Variants in RAB11FIP3 observed in about 807,000 individuals in gnomAD.
RAB11FIP3 encodes the protein rab11 family-interacting protein 3.
RAB11FIP3 carries 17 observed loss-of-function variants against 77.8 expected under a neutral mutation model. The ratio of observed to expected loss-of-function variants is 0.22; its 90% CI spans 0.15 to 0.33. The LOEUF (loss-of-function observed/expected upper bound fraction) is 0.33, where lower values mean the gene tolerates loss of function less well. Ranked by LOEUF, RAB11FIP3 falls within the 10% of genes least tolerant of loss-of-function variation. The pLI is 1.00. For synonymous variants in RAB11FIP3, 437 were observed against 448.2 expected (o/e 0.98, Z 0.31); for missense variants, 1,005 against 1,011.2 (o/e 0.99, Z 0.08).
chr16:483,264 G>C (rs6600221), intron 4 of RAB11FIP3, among the ~76,000 whole-genome samples: 4 of 152,136 alleles, frequency 2.6e-5, no homozygotes, highest in Admixed American at 2.0e-4. Flanking sequence ...CGCTCAGCAC[G>C]CTGAAGTGTA....
At chr16:503,345 T>C (rs1233764388) in intron 7 of RAB11FIP3, among the ~76,000 whole-genome samples, 1 of 152,194 alleles carries the variant, frequency 6.6e-6, no homozygotes, top group Non-Finnish European at 1.5e-5. Flanking sequence ...AGGAGTGGAC[T>C]GGGCAGTGAG....
intron 7 of RAB11FIP3, 23 bp downstream of exon 7, chr16:503,120 G>C (rs2031622231): frequency 6.4e-7 from 1 of 1,574,068 alleles, no homozygotes; most frequent in Admixed American, 1.7e-5. Flanking sequence ...GGGCTGGGTA[G>C]GTGGCAAGTA....
Position 497,350 on chromosome 16 carries a change from C to T in RAB11FIP3, c.1301+491C>T, listed in dbSNP as rs1352003973. Reference sequence around the variant, plus strand: ...AGATGGCAACATACACTTTTATCTTCCTCCCCTGCCAGTTCTTACCGAAAT... The same window carrying T: ...AGATGGCAACATACACTTTTATCTTTCTCCCCTGCCAGTTCTTACCGAAAT... On this transcript the variant is annotated intron_variant, in intron 6 of 13. Transcript: ENST00000262305. 3.1e-6 allele frequency: 4 copies of T among 1,303,508 alleles called. No individual in the cohort carries two copies. In the African/African-American group the frequency reaches 4.6e-5, roughly 15 times the overall value. The allele number at this position is 1,303,508 out of a possible 1,614,324, so 80.7% of individuals were successfully genotyped here. A position where few individuals can be genotyped will look rare whatever the true frequency, so the allele number is the denominator to read the frequency against.
chr16:477,509 CCT>C (rs2055941538), intron 3 of RAB11FIP3: 2 of 450,966 alleles, frequency 4.4e-6, no homozygotes, highest in African/African-American at 4.3e-5. Context: ...ACAGGCCCAG[CCT>C]CTGACAGACA....
At chr16:451,211 G>A (rs993058973) in intron 1 of RAB11FIP3, among the ~76,000 whole-genome samples, 4 of 152,020 alleles carry the variant, frequency 2.6e-5, no homozygotes, top group African/African-American at 9.7e-5. Flanking sequence ...CAATGAAGCT[G>A]TTAACAGAAA....
chr16:449,147 C>T (rs530691751), intron 1 of RAB11FIP3, among the ~76,000 whole-genome samples: 1 of 152,048 alleles, frequency 6.6e-6, no homozygotes, highest in Non-Finnish European at 1.5e-5. Flanking sequence ...CTGCCGGCCC[C>T]CTGCTCACTC....
At chr16:447,056 A>G (rs556013807) in intron 1 of RAB11FIP3, among the ~76,000 whole-genome samples, 5 of 151,694 alleles carry the variant, frequency 3.3e-5, no homozygotes, top group East Asian at 2.0e-4. Flanking sequence ...TATAGTCCCA[A>G]CACTTTGAGA....
intron 7 of RAB11FIP3, among the ~76,000 whole-genome samples, chr16:504,047 C>T (rs1222403546): frequency 1.3e-5 from 1 of 74,242 alleles, no homozygotes; most frequent in African/African-American, 5.5e-5. Context: ...ACCTCCTGTA[C>T]CCCCTCACCT....
intron 1 of RAB11FIP3, among the ~76,000 whole-genome samples, chr16:432,043 T>C (rs1373884609): frequency 1.3e-5 from 2 of 152,106 alleles, no homozygotes; most frequent in Non-Finnish European, 2.9e-5. Flanking sequence ...AGGCATGAGC[T>C]ATGGCGCCCA....
rs964637530 is a variant in RAB11FIP3 at position 497,445 on chromosome 16, CAG to C, written c.1301+589_1301+590del. The C allele has an allele frequency of 6.5e-6, 8 of 1,230,298 alleles. No individual in the cohort carries two copies. The African/African-American group carries it at 7.9e-5, about 12-fold the overall frequency. The allele number at this position is 1,230,298 out of a possible 1,614,324, so 76.2% of individuals were successfully genotyped here. A position where few individuals can be genotyped will look rare whatever the true frequency, so the allele number is the denominator to read the frequency against. ...GCTGCCGGGTGGCCTCTGCTGCCGTCAGAGTCTGCCTTTGTGTCTTTATCTGC... is the reference window on the plus strand; with the variant it reads ...GCTGCCGGGTGGCCTCTGCTGCCGTCAGTCTGCCTTTGTGTCTTTATCTGC... On this transcript the variant is annotated intron_variant, in intron 6 of 13. Transcript: ENST00000262305.
chr16:510,708 C>G lies in RAB11FIP3; in HGVS notation c.1548C>G (p.Cys516Trp). The G allele has an allele frequency of 6.2e-7, 1 of 1,612,624 alleles. No homozygotes were observed. Among genetic ancestry groups the G allele is most frequent in the South Asian group, 1.1e-5 (1 of 90,998 alleles). Residue 516 changes from cysteine to tryptophan, a missense_variant, in exon 9 of 14, where the codon TGC (cysteine) becomes TGG (tryptophan). Coordinates refer to ENST00000262305, the MANE Select transcript of RAB11FIP3 (RefSeq NM_014700.4). ...TGAAGGAGCAGGAGCTGAGAGCCTG[C>G]GAGATGGTCCTGGAAGAGACCCGGC... The part of the protein sequence containing the change: ...EQLKEQELRA[C>W]EMVLEETRRQ...
At chr16:469,364 A>G (rs531291013) in intron 2 of RAB11FIP3, among the ~76,000 whole-genome samples, 4 of 152,182 alleles carry the variant, frequency 2.6e-5, no homozygotes, top group African/African-American at 9.6e-5. Context: ...GTGAGCCACC[A>G]TGCCCGGCCT....
At position 514,552 on chromosome 16, in the gene RAB11FIP3, G is replaced by A. The variant is rs2032320551; in HGVS notation, c.1640+3752G>A. ...AAGGGCATAGAGAAGATGGAGGAGT[G>A]GAGAGGCTGGAGCTTTGGACATCCT... is the stretch of plus-strand genomic sequence containing the variant. On this transcript the variant is annotated intron_variant, in intron 9 of 13. Coordinates refer to ENST00000262305, the MANE Select transcript of RAB11FIP3 (RefSeq NM_014700.4). This position sits in a 1 kb window ranked among gnomAD's most constrained non-coding sequence, Gnocchi z 4.6. Among the ~76,000 whole-genome samples, 1 of 152,202 alleles carries A rather than the reference G, an allele frequency of 6.6e-6. No individual in the cohort carries two copies. Among genetic ancestry groups the A allele is most frequent in the Non-Finnish European group, 1.5e-5 (1 of 68,026 alleles).
chr16:492,452 C>G (rs1470418497), intron 5 of RAB11FIP3, among the ~76,000 whole-genome samples: 6 of 129,436 alleles, frequency 4.6e-5, no homozygotes, highest in African/African-American at 1.6e-4. Flanking sequence ...CCGCCCAGGG[C>G]CCTTCCCGGG....
intron 6 of RAB11FIP3, among the ~76,000 whole-genome samples, chr16:498,036 C>T (rs1232699600): frequency 6.6e-6 from 1 of 151,478 alleles, no homozygotes; most frequent in Non-Finnish European, 1.5e-5. Context: ...CAGTGAGTGG[C>T]AATTCATAGG....
intron 6 of RAB11FIP3, among the ~76,000 whole-genome samples, chr16:497,704 T>G (rs1366919947): frequency 6.6e-6 from 1 of 152,168 alleles, no homozygotes; most frequent in Non-Finnish European, 1.5e-5. Context: ...CCTTCTCATT[T>G]GTTTTCTCTG....
At chr16:510,402 G>A (rs1567406018) in intron 8 of RAB11FIP3, 3 of 457,948 alleles carry the variant, frequency 6.6e-6, no homozygotes, top group African/African-American at 3.9e-5. Context: ...GGCAGTGCCT[G>A]TGGGTATCAG....
chr16:438,358 G>A (rs1193296369), intron 1 of RAB11FIP3, among the ~76,000 whole-genome samples: 5 of 151,334 alleles, frequency 3.3e-5, no homozygotes, highest in African/African-American at 9.7e-5. Flanking sequence ...TGCCCACCTC[G>A]GCCTCCCAGA....
At position 520,229 on chromosome 16, in the gene RAB11FIP3, C is replaced by G; in HGVS notation, c.1968C>G (p.Ser656Arg). ...GCATGGGCCTGCAGGAGTACCACAG[C>G]CGCGCCCGGGAGAGCGAGCTGGAGC... ...SSSMGLQEYH[S>R]RARESELEQE... The change falls in exon 12 of 14, where the codon AGC becomes AGG. Residue 656 changes from serine to arginine, a missense_variant. Physicochemically the swap from Ser to Arg is moderately radical, Grantham distance 110. This residue lies in a region of RAB11FIP3 where 433 missense variants were observed against 436.1 expected (regional missense o/e 0.99). Transcript: ENST00000262305. 6.5e-7 allele frequency: 1 copy of G among 1,545,736 alleles called. No homozygotes were observed. The highest frequency in any genetic ancestry group is 8.7e-7 in the Non-Finnish European group (1 of 1,147,988).
Sources: gnomAD v4.1 joint callset for allele counts (sites outside exome capture counted in the v4.1 genomes callset) on GRCh38, gnomAD v4.1.1 for gene constraint, gnomAD v4.1.1 regional missense constraint, Gnocchi (gnomAD v3.1) non-coding constraint, MANE v1.5 for transcripts, NCBI Gene and HGNC (gene_info 2026-07-23, HGNC 2026-07-21) for gene names.